The following MOBP variants were observed in gnomAD, a reference collection of about 807,000 sequenced individuals.
MOBP encodes myelin-associated oligodendrocyte basic protein.
MOBP carries 5 observed loss-of-function variants against 15.0 expected under a neutral mutation model. The observed-to-expected ratio is 0.33, with a 90% confidence interval of 0.17 to 0.70. MOBP has a LOEUF of 0.70. MOBP is among the 30% of genes least tolerant of loss of function. The pLI is 0.67. For synonymous variants in MOBP, 88 were observed against 99.0 expected (o/e 0.89, Z 0.66); for missense variants, 188 against 257.8 (o/e 0.73, Z 1.85).
chr3:39,506,549 T>C (rs1255048067), downstream of MOBP, among the ~76,000 whole-genome samples: 2 of 152,206 alleles, frequency 1.3e-5, no homozygotes, highest in Non-Finnish European at 2.9e-5. Context: ...GGGAACAGTG[T>C]AGACATGTGC....
chr3:39,508,441 C>T lies in MOBP; in HGVS notation c.*-4942C>T, dbSNP rs184667177. On this transcript the variant is annotated intron_variant, in intron 4 of 4. Coordinates refer to the MOBP transcript ENST00000311042. ...AGTAACCACTGACCTATCTTCTGTC[C>T]CTAACTTTTGCCTTTTCTAAGATTC... 1.1e-3 allele frequency among the ~76,000 whole-genome samples: 166 copies of T among 152,238 alleles called. 1 individual carries two copies. The highest frequency in any genetic ancestry group is 3.9e-3 in the African/African-American group (161 of 41,532).
At chr3:39,525,470 T>G (rs1397431358), downstream of MOBP, 1 of 152,216 alleles carries the variant, frequency 6.6e-6, no homozygotes, top group African/African-American at 2.4e-5. Context: ...TGGACAGTAC[T>G]AGGGTAGAGG....
At chr3:39,492,298 C>T (rs2042808294) in intron 2 of MOBP, among the ~76,000 whole-genome samples, 1 of 152,010 alleles carries the variant, frequency 6.6e-6, no homozygotes, top group East Asian at 1.9e-4. Context: ...CAGAGGACAC[C>T]ACCCAGACCA....
intron 2 of MOBP, among the ~76,000 whole-genome samples, chr3:39,490,895 G>A (rs979920516): frequency 1.3e-5 from 2 of 152,148 alleles, no homozygotes; most frequent in African/African-American, 4.8e-5. Flanking sequence ...TCATTTGAAG[G>A]CACAGGGGGT....
At chr3:39,520,563 T>C (rs2043253374), downstream of MOBP, among the ~76,000 whole-genome samples, 2 of 141,800 alleles carry the variant, frequency 1.4e-5, no homozygotes, top group South Asian at 2.1e-4. Context: ...TGTGTATGTG[T>C]GTGTGTGTGT....
chr3:39,493,944 C>T (rs1425226487), intron 2 of MOBP, among the ~76,000 whole-genome samples: 1 of 152,178 alleles, frequency 6.6e-6, no homozygotes, highest in African/African-American at 2.4e-5. Flanking sequence ...GGGCTGGATG[C>T]ACTTACCAGA....
chr3:39,479,967 A>C (rs2042604951), intron 1 of MOBP, 73 bp from the exon 2 acceptor site: 1 of 151,862 alleles, frequency 6.6e-6, no homozygotes, highest in South Asian at 2.1e-4. Flanking sequence ...TGTATAACAC[A>C]CTTGAATTAA....
intron 2 of MOBP, among the ~76,000 whole-genome samples, chr3:39,489,293 C>T (rs2125640804): frequency 1.3e-5 from 2 of 152,326 alleles, no homozygotes; most frequent in African/African-American, 4.8e-5. Context: ...AATCACATTT[C>T]AGTCATACAT....
chr3:39,469,164 GTATACATATATACATGTGTGTGTGTGTA>G lies in MOBP; in HGVS notation c.-89+1448_-89+1475del, dbSNP rs1559412237. Among the ~76,000 whole-genome samples the G allele has an allele frequency of 3.0e-4, 13 of 43,018 alleles. 1 individual carries two copies. Among genetic ancestry groups the G allele is most frequent in the Admixed American group, 8.1e-4 (4 of 4,946 alleles). 28.2% of individuals were successfully genotyped at this position (43,018 alleles called of 152,430 possible). ...TATACATATATACATATGTGTGTGT[GTATACATATATACATGTGTGTGTGTGTA>G]TATACATATATACATGTGTGTGTAT... On this transcript the variant is annotated intron_variant, in intron 1 of 3. Coordinates refer to ENST00000684792, the MANE Select transcript of MOBP (RefSeq NM_001393704.1).
intron 4 of MOBP, among the ~76,000 whole-genome samples, chr3:39,509,467 G>A (rs1016824566): frequency 5.3e-5 from 8 of 152,150 alleles, no homozygotes; most frequent in African/African-American, 1.9e-4. Context: ...GACTAGTGAA[G>A]TTGAGCATCT....
At position 39,502,015 on chromosome 3, in the gene MOBP, C is replaced by G; in HGVS notation, c.-4-51C>G. The G allele has an allele frequency of 6.6e-7, 1 of 1,507,582 alleles. No homozygotes were observed. Among genetic ancestry groups the G allele is most frequent in the Non-Finnish European group, 9.2e-7 (1 of 1,085,978 alleles). The allele number at this position is 1,507,582 out of a possible 1,614,324, so 93.4% of individuals were successfully genotyped here. On this transcript the variant is annotated intron_variant, in intron 2 of 3. Coordinates refer to ENST00000684792, the MANE Select transcript of MOBP (RefSeq NM_001393704.1). This position sits in a 1 kb window ranked among gnomAD's most constrained non-coding sequence, Gnocchi z 6.3. ...GCTTCCAGAGTAGAGGGCTCCCTTT[C>G]CTGATGTGCGTTTATGTCTCCTCCT...
intron 3 of MOBP, among the ~76,000 whole-genome samples, chr3:39,522,732 A>C (rs748526444): frequency 1.3e-5 from 2 of 152,246 alleles, no homozygotes; most frequent in African/African-American, 2.4e-5. Flanking sequence ...CACAGTATCA[A>C]CTTTTACACA....
At chr3:39,488,827 GCCCT>G (rs1345005712) in intron 2 of MOBP, among the ~76,000 whole-genome samples, 2 of 152,138 alleles carry the variant, frequency 1.3e-5, no homozygotes, top group African/African-American at 4.8e-5. Context: ...CACTGCTGCT[GCCCT>G]TGTCAAAGTC....
downstream of MOBP, chr3:39,526,964 T>G (rs1202442470): frequency 2.6e-5 from 4 of 151,964 alleles, no homozygotes; most frequent in East Asian, 1.9e-4. Flanking sequence ...TTAGTAGAGA[T>G]AGGGATTCAC....
intron 1 of MOBP, among the ~76,000 whole-genome samples, chr3:39,475,934 G>T (rs9863316): frequency 0.044 from 6,674 of 152,268 alleles, 409 homozygotes; most frequent in South Asian, 0.14. Context: ...TGTTGTATCA[G>T]TTCATTCTTA....
At chr3:39,494,623 A>G (rs2125646483) in intron 2 of MOBP, among the ~76,000 whole-genome samples, 1 of 152,326 alleles carries the variant, frequency 6.6e-6, no homozygotes, top group East Asian at 1.9e-4. Flanking sequence ...CATCAGAGAT[A>G]CACAGTGAGA....
chr3:39,482,361 G>A (rs181970887), intron 2 of MOBP, among the ~76,000 whole-genome samples: 14 of 152,188 alleles, frequency 9.2e-5, no homozygotes, highest in South Asian at 2.1e-4. Context: ...TTACAAAAAC[G>A]CACCTCTGGG....
exon 5 of MOBP, chr3:39,515,845 C>T (rs1327590096): frequency 1.3e-5 from 2 of 152,140 alleles, no homozygotes; most frequent in Non-Finnish European, 2.9e-5. Context: ...TTGTCACCCT[C>T]TGGAACTATT....
intron 4 of MOBP, among the ~76,000 whole-genome samples, chr3:39,508,698 C>T (rs1479630236): frequency 1.3e-5 from 2 of 151,850 alleles, no homozygotes; most frequent in Admixed American, 6.6e-5. Context: ...TACAGGCATG[C>T]GCCACCATGC....
Sources: allele counts gnomAD v4.1 joint callset (sites outside exome capture counted in the v4.1 genomes callset), GRCh38; gene constraint gnomAD v4.1.1; non-coding constraint Gnocchi (gnomAD v3.1); transcripts MANE v1.5; gene names NCBI Gene and HGNC (gene_info 2026-07-23, HGNC 2026-07-21).